Variants in UROC1 observed in about 807,000 individuals in gnomAD.
The protein encoded by UROC1 is urocanate hydratase.
UROC1 carries 79 observed loss-of-function variants against 89.5 expected under a neutral mutation model. The ratio of observed to expected loss-of-function variants is 0.88; its 90% CI spans 0.74 to 1.06. The LOEUF (loss-of-function observed/expected upper bound fraction) is 1.06, where lower values mean the gene tolerates loss of function less well. Among genes scored for constraint, UROC1 ranks in the 50% least tolerant of loss-of-function variants. The pLI is 0.00. For missense variants in UROC1, 885 were observed against 907.8 expected (o/e 0.97, Z 0.32); for synonymous variants, 361 against 354.8 (o/e 1.02, Z -0.20).
chr3:126,504,756 G>A (rs554473405), intron 8 of UROC1, among the ~76,000 whole-genome samples: 4 of 152,260 alleles, frequency 2.6e-5, no homozygotes, highest in East Asian at 3.9e-4. Flanking sequence ...GGCACATATC[G>A]CCAAGCCTTG....
chr3:126,501,341 C>T lies in UROC1; in HGVS notation c.903-61G>A, dbSNP rs1464908156. ...CACCTGTGCATAGGTGCCCCAGACA[C>T]ACCTGCACCCCAGCTGCACACAGGG... On this transcript the variant is annotated intron_variant, in intron 9 of 19. Coordinates refer to ENST00000290868, the MANE Select transcript of UROC1 (RefSeq NM_144639.3). The T allele has an allele frequency of 2.5e-6, 4 of 1,595,440 alleles. No homozygotes were observed. In the South Asian group the frequency reaches 4.4e-5, roughly 18 times the overall value.
intron 11 of UROC1, 110 bp downstream of exon 11, chr3:126,500,585 C>A: frequency 7.2e-7 from 1 of 1,394,260 alleles, no homozygotes; most frequent in Non-Finnish European, 1.0e-6. Context: ...AGGTTAAGGT[C>A]TTGCCCAAGG....
chr3:126,493,746 G>A (rs148005427), intron 15 of UROC1, among the ~76,000 whole-genome samples: 10 of 152,296 alleles, frequency 6.6e-5, no homozygotes, highest in East Asian at 1.9e-4. Context: ...TAAATTTTAC[G>A]TTTATGTATA....
Position 126,492,468 on chromosome 3 carries a change from C to T in UROC1, c.1558G>A (p.Val520Met), listed in dbSNP as rs374247096. The change falls in exon 16 of 20, where the codon GTG (valine) becomes ATG (methionine). Residue 520 changes from valine to methionine, a missense_variant. By Grantham distance (21) the Val-to-Met change is conservative. Coordinates refer to ENST00000290868, the MANE Select transcript of UROC1 (RefSeq NM_144639.3). ...RILYSDQKGR[V>M]AIAVAINQAI... ...TGGTTAATGGCCACAGCGATGGCCA[C>T]GCGGCCCTTCTGGTCTGAGTACAGG... 36 of 1,613,494 alleles carry T rather than the reference C, an allele frequency of 2.2e-5. No homozygotes were observed. The highest frequency in any genetic ancestry group is 1.6e-4 in the Middle Eastern group (1 of 6,082).
chr3:126,496,926 T>C (rs548651138), intron 14 of UROC1, among the ~76,000 whole-genome samples: 2 of 151,462 alleles, frequency 1.3e-5, no homozygotes, highest in African/African-American at 4.9e-5. Context: ...AGGCCTGGAG[T>C]CTTTACTCCA....
chr3:126,505,943 A>G lies in UROC1; in HGVS notation c.669+2T>C. On this transcript the variant is annotated splice_donor_variant, in intron 7 of 19. Coordinates refer to ENST00000290868, the MANE Select transcript of UROC1 (RefSeq NM_144639.3). LOFTEE classifies it high-confidence loss of function. ...ACAGCCAGGCGTGGCCCCATCTCTC[A>G]CCACAGTGCCATGAACGATTCCCTG... 6.2e-7 allele frequency: 1 copy of G among 1,608,478 alleles called. No individual in the cohort carries two copies. The highest frequency in any genetic ancestry group is 8.5e-7 in the Non-Finnish European group (1 of 1,179,264).
Position 126,505,975 on chromosome 3 carries a change from G to T in UROC1, c.639C>A (p.Ile213=). ...TGCCATGAACGATTCCCTGGGGACC[G>T]ATGTAGCAGTAGCTACCTGCTGTCA... ...GQMTAGSYCY[I]GPQGIVHGTV... is the part of the protein sequence containing the mutation. Residue 213 remains isoleucine (I), a synonymous_variant, in exon 7 of 20, where the codon ATC becomes ATA. Coordinates refer to ENST00000290868, the MANE Select transcript of UROC1 (RefSeq NM_144639.3). The T allele has an allele frequency of 1.9e-6, 3 of 1,597,902 alleles. No homozygotes were observed. The highest frequency in any genetic ancestry group is 2.6e-6 in the Non-Finnish European group (3 of 1,171,074).
At position 126,510,782 on chromosome 3, in the gene UROC1, T is replaced by C. The variant is rs200539848; in HGVS notation, c.139A>G (p.Asn47Asp). The C allele has an allele frequency of 1.9e-6, 3 of 1,613,556 alleles. No homozygotes were observed. The highest frequency in any genetic ancestry group is 2.5e-6 in the Non-Finnish European group (3 of 1,179,976). The change falls in exon 2 of 20, where the codon AAC (asparagine) becomes GAC (aspartate). Residue 47 changes from asparagine (N) to aspartate (D), a missense_variant. Asn to Asp is a conservative substitution (Grantham distance 23). Transcript: ENST00000290868. ...SPVEKQLALR[N>D]ALRYFPPDVQ... is the part of the protein sequence containing the mutation. ...TCCGGGGGGAAGTAGCGCAGGGCGT[T>C]CCTCAGCGCCAGCTGGGGTAGGAGA... is the stretch of plus-strand genomic sequence containing the variant.
intron 13 of UROC1, 152 bp downstream of exon 13, chr3:126,499,185 G>T: frequency 1.2e-6 from 1 of 827,958 alleles, no homozygotes; most frequent in Non-Finnish European, 2.0e-6. Flanking sequence ...GACAGAGCCT[G>T]GCCACTTTGG....
chr3:126,496,422 G>A (rs950632671), intron 14 of UROC1, among the ~76,000 whole-genome samples: 1 of 152,240 alleles, frequency 6.6e-6, no homozygotes, highest in African/African-American at 2.4e-5. Flanking sequence ...GCTGTGGGCC[G>A]TGAGGAACAC....
chr3:126,483,536 C>T, intron 18 of UROC1, 68 bp from the exon 19 acceptor site: 1 of 1,477,914 alleles, frequency 6.8e-7, no homozygotes. Flanking sequence ...GGCAGAAGCC[C>T]ATGTTTTGGA....
intron 1 of UROC1, among the ~76,000 whole-genome samples, chr3:126,514,338 G>A (rs1936255251): frequency 6.6e-6 from 1 of 152,178 alleles, no homozygotes; most frequent in African/African-American, 2.4e-5. Flanking sequence ...GGTCGATTTG[G>A]GGAAAAGGTC....
chr3:126,483,536 C>A, intron 18 of UROC1, 68 bp from the exon 19 acceptor site: 1 of 1,477,912 alleles, frequency 6.8e-7, no homozygotes, highest in Non-Finnish European at 9.4e-7. Context: ...GGCAGAAGCC[C>A]ATGTTTTGGA....
chr3:126,487,852 C>T (rs986576194), intron 18 of UROC1, among the ~76,000 whole-genome samples: 2 of 152,184 alleles, frequency 1.3e-5, no homozygotes, highest in African/African-American at 2.4e-5. Context: ...ATGAAAGCGC[C>T]GGGAATTCCA....
intron 12 of UROC1, 101 bp downstream of exon 12, chr3:126,499,956 C>A: frequency 8.3e-7 from 1 of 1,200,766 alleles, no homozygotes. Context: ...GCTGGGCCAC[C>A]CATGGCACCT....
intron 14 of UROC1, among the ~76,000 whole-genome samples, chr3:126,496,936 A>G (rs1022863077): frequency 2.0e-5 from 3 of 152,104 alleles, no homozygotes; most frequent in Non-Finnish European, 4.4e-5. Flanking sequence ...TCTTTACTCC[A>G]GGGTCTTCGT....
At chr3:126,492,539 C>T in intron 15 of UROC1, 23 bp from the exon 16 acceptor site, 1 of 1,592,872 alleles carries the variant, frequency 6.3e-7, no homozygotes. Flanking sequence ...GGGCAACTGG[C>T]ATCTCAGCCA....
chr3:126,486,390 C>CAGG (rs1935516207), intron 18 of UROC1, among the ~76,000 whole-genome samples: 2 of 152,260 alleles, frequency 1.3e-5, no homozygotes, highest in Non-Finnish European at 2.9e-5. Flanking sequence ...TTGTCTTGAT[C>CAGG]TCTTGCACTC....
intron 6 of UROC1, among the ~76,000 whole-genome samples, chr3:126,506,461 G>C (rs1253212677): frequency 6.6e-6 from 1 of 152,206 alleles, no homozygotes; most frequent in Non-Finnish European, 1.5e-5. Flanking sequence ...ACATGGCAGA[G>C]AGGGACAGGG....
Sources: gnomAD v4.1 joint callset for allele counts (sites outside exome capture counted in the v4.1 genomes callset) on GRCh38, gnomAD v4.1.1 for gene constraint, MANE v1.5 for transcripts, NCBI Gene and HGNC (gene_info 2026-07-23, HGNC 2026-07-21) for gene names.